Variants in CDK14 observed in about 807,000 individuals in gnomAD.
The protein encoded by CDK14 is cyclin-dependent kinase 14.
Under a neutral mutation model 60.7 loss-of-function variants are expected in CDK14, and 34 were observed. The observed-to-expected ratio is 0.56, with a 90% CI of 0.43 to 0.75. The LOEUF (loss-of-function observed/expected upper bound fraction) is 0.75, where lower values mean the gene tolerates loss of function less well. CDK14 is among the 30% of genes least tolerant of loss of function. The pLI is 0.00. For synonymous variants in CDK14, 197 were observed against 203.7 expected, an observed-to-expected ratio of 0.97 and a Z score of 0.28; for missense variants, 482 against 564.1, an observed-to-expected ratio of 0.85 and a Z score of 1.47.
chr7:90,856,905 A>AATCCC (rs977895537), intron 5 of CDK14, among the ~76,000 whole-genome samples: 8 of 152,132 alleles, frequency 5.3e-5, no homozygotes, highest in African/African-American at 1.9e-4. Flanking sequence ...GTCAGGCAGC[A>AATCCC]ATCCCTCTAC....
At chr7:90,977,528 G>C (rs1795112150) in intron 9 of CDK14, among the ~76,000 whole-genome samples, 1 of 152,076 alleles carries the variant, frequency 6.6e-6, no homozygotes, top group Non-Finnish European at 1.5e-5. Flanking sequence ...AGACAAATAT[G>C]TTTCAAGCTT....
At chr7:91,012,837 T>C (rs1334618482) in intron 10 of CDK14, among the ~76,000 whole-genome samples, 1 of 152,158 alleles carries the variant, frequency 6.6e-6, no homozygotes, top group Non-Finnish European at 1.5e-5. Flanking sequence ...GTCATTTACA[T>C]AGATTCATAT....
At chr7:90,909,521 T>C (rs1224451536) in intron 7 of CDK14, among the ~76,000 whole-genome samples, 1 of 147,032 alleles carries the variant, frequency 6.8e-6, no homozygotes, top group Non-Finnish European at 1.5e-5. Context: ...TTTACAGAAC[T>C]TGACAAAACA....
At position 90,975,409 on chromosome 7, in the gene CDK14, T is replaced by C. The variant is rs1190941143; in HGVS notation, c.948-8739T>C. 2.6e-5 allele frequency among the ~76,000 whole-genome samples: 4 copies of C among 151,902 alleles called. No individual in the cohort carries two copies. The East Asian group carries it at 5.8e-4, about 22-fold the overall frequency. On this transcript the variant is annotated intron_variant, in intron 9 of 14. Coordinates refer to ENST00000380050, the MANE Select transcript of CDK14 (RefSeq NM_001287135.2). ...GTACATAGTGATGTTTTGATACATA[T>C]AATGTATAGTGATCAGATCAGGGTA...
chr7:90,683,258 G>C (rs779488695), intron 2 of CDK14, among the ~76,000 whole-genome samples: 1 of 152,010 alleles, frequency 6.6e-6, no homozygotes, highest in African/African-American at 2.4e-5. Flanking sequence ...TGAACTTACA[G>C]ATTCCTGTTT....
At chr7:90,957,154 G>C (rs1207339050) in intron 9 of CDK14, among the ~76,000 whole-genome samples, 1 of 151,040 alleles carries the variant, frequency 6.6e-6, no homozygotes, top group African/African-American at 2.4e-5. Flanking sequence ...TGGGTCAAAT[G>C]GTATTTCTAG....
At chr7:90,794,847 C>A (rs1805989037) in intron 5 of CDK14, among the ~76,000 whole-genome samples, 2 of 152,196 alleles carry the variant, frequency 1.3e-5, no homozygotes, top group Admixed American at 6.5e-5. Flanking sequence ...TCCATGAAAT[C>A]TTCACAATTT....
At chr7:90,727,444 TAGAA>T (rs1180470280) in intron 3 of CDK14, among the ~76,000 whole-genome samples, 1 of 152,160 alleles carries the variant, frequency 6.6e-6, no homozygotes, top group African/African-American at 2.4e-5. Context: ...ATTTACAAGT[TAGAA>T]AGGAACACAC....
chr7:91,028,299 C>T (rs994225086), intron 10 of CDK14, among the ~76,000 whole-genome samples: 61 of 151,992 alleles, frequency 4.0e-4, no homozygotes, highest in African/African-American at 1.3e-3. Flanking sequence ...CACACACACC[C>T]CCCACATTTT....
At chr7:90,977,863 G>A (rs1036258760) in intron 9 of CDK14, among the ~76,000 whole-genome samples, 3 of 152,114 alleles carry the variant, frequency 2.0e-5, no homozygotes, top group Admixed American at 6.6e-5. Context: ...TGGGAATAAG[G>A]TGATGTCCAC....
chr7:90,893,317 C>T (rs1051917909), intron 6 of CDK14, among the ~76,000 whole-genome samples: 1 of 152,036 alleles, frequency 6.6e-6, no homozygotes, highest in Non-Finnish European at 1.5e-5. Context: ...AGATGTTAGC[C>T]CATAGCCATG....
Position 90,925,930 on chromosome 7 carries a change from A to G in CDK14, c.826+8206A>G, listed in dbSNP as rs1415499050. ...TTACATTGACATTTTCAGATTTTTT[A>G]AATTGAAATTTTCTCTAGATTTTGA... is the stretch of plus-strand genomic sequence containing the variant. On this transcript the variant is annotated intron_variant, in intron 8 of 14. Coordinates refer to ENST00000380050, the MANE Select transcript of CDK14 (RefSeq NM_001287135.2). Among the ~76,000 whole-genome samples, 7 of 152,340 alleles carry G rather than the reference A, an allele frequency of 4.6e-5. No individual in the cohort carries two copies. In the South Asian group the frequency reaches 1.5e-3, roughly 32 times the overall value.
intron 8 of CDK14, among the ~76,000 whole-genome samples, chr7:90,928,016 G>A (rs953694488): frequency 2.0e-5 from 3 of 146,770 alleles, no homozygotes; most frequent in Non-Finnish European, 4.6e-5. Context: ...GGCTACTAAA[G>A]CTTGTGCATG....
intron 4 of CDK14, among the ~76,000 whole-genome samples, chr7:90,764,985 G>A (rs546968664): frequency 1.3e-5 from 2 of 152,336 alleles, no homozygotes; most frequent in Admixed American, 6.5e-5. Flanking sequence ...TTGGCCTGAT[G>A]GGTGAGACAG....
chr7:90,680,782 C>G (rs184281273), intron 2 of CDK14, among the ~76,000 whole-genome samples: 2 of 152,208 alleles, frequency 1.3e-5, no homozygotes, highest in African/African-American at 4.8e-5. Context: ...TTAGCTCCAG[C>G]TATTATTATT....
At chr7:90,894,427 C>T (rs569423961) in intron 6 of CDK14, among the ~76,000 whole-genome samples, 2 of 152,100 alleles carry the variant, frequency 1.3e-5, no homozygotes, top group Non-Finnish European at 2.9e-5. Context: ...AGTACGTTTT[C>T]GTGCCCTACA....
In CDK14 at chr7:90,841,631, A is replaced by G. The variant is rs1016940202; in HGVS notation, c.545-21544A>G. Reference sequence around the variant, plus strand: ...ACTTCCTTATGAAGTTTCTGATAATAATGATATTTTCATCATATATATATA... The same window carrying G: ...ACTTCCTTATGAAGTTTCTGATAATGATGATATTTTCATCATATATATATA... On this transcript the variant is annotated intron_variant, in intron 5 of 14. Transcript: ENST00000380050. Among the ~76,000 whole-genome samples, 3 of 138,050 alleles carry G rather than the reference A, an allele frequency of 2.2e-5. No homozygotes were observed. The Admixed American group carries it at 2.2e-4, about 10-fold the overall frequency. 90.6% of individuals were successfully genotyped at this position (138,050 alleles called of 152,430 possible).
chr7:90,604,586 G>A (rs1275547455), intron 2 of CDK14, among the ~76,000 whole-genome samples: 2 of 152,152 alleles, frequency 1.3e-5, no homozygotes, highest in African/African-American at 4.8e-5. Flanking sequence ...TGGTAAGTTG[G>A]GCACCATGGC....
At chr7:90,722,903 T>C (rs1302100009) in intron 2 of CDK14, among the ~76,000 whole-genome samples, 1 of 152,220 alleles carries the variant, frequency 6.6e-6, no homozygotes, top group African/African-American at 2.4e-5. Context: ...GAATTTCTAA[T>C]TGGAGTTCCT....
Sources: gnomAD v4.1 joint callset for allele counts (sites outside exome capture counted in the v4.1 genomes callset) on GRCh38, gnomAD v4.1.1 for gene constraint, MANE v1.5 for transcripts, NCBI Gene and HGNC (gene_info 2026-07-23, HGNC 2026-07-21) for gene names.